The following PANK2 variants were observed in gnomAD, a reference collection of about 807,000 sequenced individuals.
The protein encoded by PANK2 is pantothenate kinase 2.
A neutral mutation model predicts 43.1 loss-of-function variants in PANK2; 36 were observed. The observed-to-expected ratio is 0.84, with a 90% CI of 0.64 to 1.10. The LOEUF is 1.10. PANK2 is among the 50% of genes least tolerant of loss of function. PANK2 has a pLI of 0.00. For missense variants in PANK2, 576 were observed against 593.3 expected (o/e 0.97, Z 0.30); for synonymous variants, 281 against 238.2 (o/e 1.18, Z -1.66).
chr20:3,897,812 G>A (rs1205377588), intron 1 of PANK2, among the ~76,000 whole-genome samples: 1 of 152,124 alleles, frequency 6.6e-6, no homozygotes, highest in Admixed American at 6.6e-5. Context: ...TTCAAGACCA[G>A]CTTGGTCAAC....
rs1490325253 is a variant in PANK2 at position 3,926,256 on chromosome 20, A to C, written c.*2962A>C. On this transcript the variant is annotated 3_prime_UTR_variant, in exon 7 of 7. Coordinates refer to ENST00000610179, the MANE Select transcript of PANK2 (RefSeq NM_001386393.1). ...GAGAATGATATGCATGTAGGTGGGC[A>C]AAGCAAGGGGGATTTCATGAGTTCT... The C allele has an allele frequency of 1.3e-5, 2 of 152,300 alleles. No individual in the cohort carries two copies. Among genetic ancestry groups the C allele is most frequent in the African/African-American group, 4.8e-5 (2 of 41,454 alleles). The allele number at this position is 152,300 out of a possible 1,614,324, so 9.4% of individuals were successfully genotyped here.
chr20:3,904,636 T>G (rs4815625), intron 1 of PANK2, among the ~76,000 whole-genome samples: 78,834 of 152,016 alleles, frequency 0.52, 20,871 homozygotes, highest in East Asian at 0.66. Flanking sequence ...TGTACGTTGT[T>G]TATTTAGTTG....
intron 6 of PANK2, among the ~76,000 whole-genome samples, chr20:3,919,287 A>T (rs974325010): frequency 1.3e-5 from 2 of 151,706 alleles, no homozygotes; most frequent in Non-Finnish European, 2.9e-5. Flanking sequence ...ATTTTGGGTT[A>T]ATTTAATTGT....
At chr20:3,891,706 T>A (rs2090125741) in intron 1 of PANK2, among the ~76,000 whole-genome samples, 1 of 152,172 alleles carries the variant, frequency 6.6e-6, no homozygotes, top group Non-Finnish European at 1.5e-5. Context: ...CTGGTAAAAG[T>A]GCAGATTCAG....
intron 1 of PANK2, 69 bp downstream of exon 1, chr20:3,889,797 G>A (rs1439454648): frequency 2.0e-6 from 3 of 1,469,184 alleles, no homozygotes; most frequent in East Asian, 5.1e-5. Context: ...GTCCCCTTCC[G>A]GCCCCGCCGC....
At chr20:3,913,627 G>T (rs1045181446) in intron 4 of PANK2, among the ~76,000 whole-genome samples, 3 of 151,802 alleles carry the variant, frequency 2.0e-5, no homozygotes, top group African/African-American at 7.3e-5. Context: ...GAGCCACCGC[G>T]CCCGGCTGCC....
rs1298524476 is a variant in PANK2, at chr20:3,918,814, T to C, written c.1332+18T>C. On this transcript the variant is annotated intron_variant, in intron 6 of 6. Coordinates refer to ENST00000610179, the MANE Select transcript of PANK2 (RefSeq NM_001386393.1). ...AACACGAGGTAAGCTGACTTGTTCG[T>C]TGTGGTATATTATGTACACAGAGGG... is the stretch of plus-strand genomic sequence containing the variant. The C allele has an allele frequency of 6.2e-7, 1 of 1,614,232 alleles. No homozygotes were observed. Among genetic ancestry groups the C allele is most frequent in the South Asian group, 1.1e-5 (1 of 91,086 alleles).
At chr20:3,903,177 C>T (rs2090332130) in intron 1 of PANK2, among the ~76,000 whole-genome samples, 2 of 151,040 alleles carry the variant, frequency 1.3e-5, no homozygotes, top group African/African-American at 4.9e-5. Flanking sequence ...CGGAGTCTCC[C>T]TCTGTCGCCC....
At chr20:3,902,273 C>T (rs1225202424) in intron 1 of PANK2, among the ~76,000 whole-genome samples, 3 of 151,318 alleles carry the variant, frequency 2.0e-5, no homozygotes, top group African/African-American at 4.9e-5. Flanking sequence ...CTCAAGCTAT[C>T]CTCTCACTTC....
chr20:3,893,139 T>C (rs1472023437), intron 1 of PANK2, among the ~76,000 whole-genome samples: 1 of 152,148 alleles, frequency 6.6e-6, no homozygotes, highest in East Asian at 1.9e-4. Context: ...GTGTTTTTTA[T>C]CCCCAATTTC....
chr20:3,909,756 AT>A (rs1039004596), intron 2 of PANK2, among the ~76,000 whole-genome samples: 39 of 145,240 alleles, frequency 2.7e-4, no homozygotes, highest in Admixed American at 6.2e-4. Flanking sequence ...TACCCAGCTA[AT>A]TTTTTTTTTT....
At position 3,929,255 on chromosome 20, in the gene PANK2, T is replaced by C. The variant is rs1233076369; in HGVS notation, c.*5961T>C. 1.3e-5 allele frequency: 2 copies of C among 152,138 alleles called. No individual in the cohort carries two copies. The highest frequency in any genetic ancestry group is 2.9e-5 in the Non-Finnish European group (2 of 68,054). 9.4% of individuals were successfully genotyped at this position (152,138 alleles called of 1,614,324 possible). A position where few individuals can be genotyped will look rare whatever the true frequency, so the allele number is the denominator to read the frequency against. ...CTCTACAAAAAAATAATTACGAAAA[T>C]TAGCCAGGTGTGCTGGTGTGCACCT... On this transcript the variant is annotated 3_prime_UTR_variant, in exon 7 of 7. Coordinates refer to ENST00000610179, the MANE Select transcript of PANK2 (RefSeq NM_001386393.1).
In PANK2 at chr20:3,907,920, A is replaced by G. The variant is rs369249521; in HGVS notation, c.299-6A>G. On this transcript the variant is annotated splice_polypyrimidine_tract_variant and splice_region_variant and intron_variant, in intron 1 of 6. Coordinates refer to ENST00000610179, the MANE Select transcript of PANK2 (RefSeq NM_001386393.1). ...CTGTTCTGACTTATTTTTCTTCCCCATTTAGTTTTTCCATGGTTTGGACTG... is the reference window on the plus strand; with the variant it reads ...CTGTTCTGACTTATTTTTCTTCCCCGTTTAGTTTTTCCATGGTTTGGACTG... The G allele has an allele frequency of 2.5e-6, 4 of 1,613,404 alleles. No individual in the cohort carries two copies. In the Middle Eastern group the frequency reaches 4.9e-4, roughly 200 times the overall value.
rs1055134793 is a variant in PANK2, at chr20:3,926,824, T to G, written c.*3530T>G. On this transcript the variant is annotated 3_prime_UTR_variant, in exon 7 of 7. Transcript: ENST00000610179. ...CGGGAATGGTGGTGCGTGCCTGTAA[T>G]CCCAGGTACTCGAGAGGCTGAGGCA... The G allele has an allele frequency of 2.0e-5, 3 of 150,978 alleles. No individual in the cohort carries two copies. The highest frequency in any genetic ancestry group is 4.4e-5 in the Non-Finnish European group (3 of 68,056). 9.4% of individuals were successfully genotyped at this position (150,978 alleles called of 1,614,324 possible).
At chr20:3,917,824 C>G (rs1016886470) in intron 5 of PANK2, among the ~76,000 whole-genome samples, 1 of 151,978 alleles carries the variant, frequency 6.6e-6, no homozygotes, top group Admixed American at 6.6e-5. Context: ...CTTCTTTTTT[C>G]TTTATTGTAT....
Position 3,923,364 on chromosome 20 carries a change from C to G in PANK2, c.*70C>G, listed in dbSNP as rs2090676958. On this transcript the variant is annotated 3_prime_UTR_variant, in exon 7 of 7. Coordinates refer to ENST00000610179, the MANE Select transcript of PANK2 (RefSeq NM_001386393.1). ...TGTGGACTTTCATTTTTTTAAGAGACTTACTCAATTTCATGACTGTACTAC... is the reference window on the plus strand; with the variant it reads ...TGTGGACTTTCATTTTTTTAAGAGAGTTACTCAATTTCATGACTGTACTAC... 2 of 1,497,970 alleles carry G rather than the reference C, an allele frequency of 1.3e-6. No homozygotes were observed. The highest frequency in any genetic ancestry group is 1.9e-6 in the Non-Finnish European group (2 of 1,074,646). 92.8% of individuals were successfully genotyped at this position (1,497,970 alleles called of 1,614,324 possible).
chr20:3,890,664 A>G (rs2090108530), intron 1 of PANK2, among the ~76,000 whole-genome samples: 1 of 152,180 alleles, frequency 6.6e-6, no homozygotes, highest in Non-Finnish European at 1.5e-5. Flanking sequence ...TTAAATGCAG[A>G]TTGTGAGAGG....
rs577186456 is a variant in PANK2, at chr20:3,915,834, T to C, written c.1083-1093T>C. Among the ~76,000 whole-genome samples, 72 of 152,360 alleles carry C rather than the reference T, an allele frequency of 4.7e-4. 2 individuals are homozygous for C. In the South Asian group the frequency reaches 0.013, roughly 27 times the overall value. On this transcript the variant is annotated intron_variant, in intron 4 of 6. Coordinates refer to ENST00000610179, the MANE Select transcript of PANK2 (RefSeq NM_001386393.1). ...ACTCTTAAGTTATGTTCCATTGATA[T>C]ATATGTCTGTTTTTATACCAGTACC...
Position 3,924,969 on chromosome 20 carries a change from G to C in PANK2, c.*1675G>C, listed in dbSNP as rs1007744432. The C allele has an allele frequency of 6.6e-6, 1 of 152,502 alleles. No individual in the cohort carries two copies. Among genetic ancestry groups the C allele is most frequent in the African/African-American group, 2.4e-5 (1 of 41,452 alleles). The allele number at this position is 152,502 out of a possible 1,614,324, so 9.4% of individuals were successfully genotyped here. ...CAGGAGGTTGTCCACTGCTCGACGT[G>C]GGTCACCATGCAGCCCTTGCTGTTC... On this transcript the variant is annotated 3_prime_UTR_variant, in exon 7 of 7. Transcript: ENST00000610179.
Sources: allele counts gnomAD v4.1 joint callset (sites outside exome capture counted in the v4.1 genomes callset), GRCh38; gene constraint gnomAD v4.1.1; transcripts MANE v1.5; gene names NCBI Gene and HGNC (gene_info 2026-07-23, HGNC 2026-07-21).